The following MED16 variants were observed in gnomAD, a reference collection of about 807,000 sequenced individuals.
The protein encoded by MED16 is mediator of RNA polymerase II transcription subunit 16.
In MED16, 81 loss-of-function variants were observed where a neutral mutation model predicts 84.4. The ratio of observed to expected loss-of-function variants is 0.96; its 90% CI spans 0.80 to 1.15. MED16 has a LOEUF of 1.15. MED16 is among the 50% of genes most tolerant of loss of function. The probability of loss-of-function intolerance (pLI) is 0.00; values close to 1 mark genes in which losing one functional copy is unlikely to be tolerated. For synonymous variants in MED16, 897 were observed against 552.2 expected, an observed-to-expected ratio of 1.62 and a Z score of -8.76; for missense variants, 1,585 against 1,245.9, an observed-to-expected ratio of 1.27 and a Z score of -4.10.
chr19:889,911 C>T (rs1039473353), intron 3 of MED16, 104 bp from the exon 4 acceptor site: 85 of 1,383,108 alleles, frequency 6.1e-5, no homozygotes, highest in African/African-American at 1.7e-4. Context: ...GGAGAGGTCT[C>T]GGCCCAGGTA....
At position 886,105 on chromosome 19, in the gene MED16, C is replaced by G; in HGVS notation, c.544G>C (p.Val182Leu). ...ACGGTGACCAGGCCGCTGACCGTCA[C>G]CGCGATCCAGCCCTCCATGGGCTTG... ...GGKPMEGWIA[V>L]TVSGLVTVSL... Residue 182 changes from valine to leucine, a missense_variant, in exon 5 of 16, where the codon GTG becomes CTG. Val to Leu is a conservative substitution (Grantham distance 32). Coordinates refer to ENST00000325464, the MANE Select transcript of MED16 (RefSeq NM_005481.3). The G allele has an allele frequency of 6.3e-7, 1 of 1,588,698 alleles. No homozygotes were observed. The highest frequency in any genetic ancestry group is 2.3e-5 in the East Asian group (1 of 44,390).
Position 868,103 on chromosome 19 carries a change from A to G in MED16, c.2632T>C (p.Ter878ArgextTer?), listed in dbSNP as rs2035956397. 1 of 1,606,534 alleles carries G rather than the reference A, an allele frequency of 6.2e-7. No homozygotes were observed. Reference protein sequence around the residue: ...LDHLHPEDRP* With the variant: ...LDHLHPEDRPR ...AGGTCCGCCTGGACCCCCGGCCGTC[A>G]CGGACGGTCCTCTGGATGCAGATGG... The change falls in exon 16 of 16, where the codon TGA becomes CGA. Residue 878 changes from the stop codon to arginine, a stop_lost. Coordinates refer to ENST00000325464, the MANE Select transcript of MED16 (RefSeq NM_005481.3).
At chr19:888,311 G>A (rs1437853989) in intron 4 of MED16, among the ~76,000 whole-genome samples, 1 of 151,748 alleles carries the variant, frequency 6.6e-6, no homozygotes, top group African/African-American at 2.4e-5. Context: ...CACCTGAGGT[G>A]AGAAGTTCGA....
At chr19:885,459 G>GC (rs1360245412) in intron 5 of MED16, among the ~76,000 whole-genome samples, 2 of 152,118 alleles carry the variant, frequency 1.3e-5, no homozygotes, top group African/African-American at 4.8e-5. Flanking sequence ...ACGTTGGGGG[G>GC]GGTCCGGGGG....
intron 7 of MED16, 44 bp downstream of exon 7, chr19:881,515 G>C (rs1448291373): frequency 6.3e-7 from 1 of 1,582,256 alleles, no homozygotes; most frequent in Non-Finnish European, 8.6e-7. Context: ...AACTCCCCTG[G>C]TGTGAACTGA....
In MED16 at chr19:880,094, A is replaced by C. The variant is rs1332155731; in HGVS notation, c.1196T>G (p.Leu399Arg). The C allele has an allele frequency of 6.2e-7, 1 of 1,610,818 alleles. No individual in the cohort carries two copies. Among genetic ancestry groups the C allele is most frequent in the East Asian group, 2.2e-5 (1 of 44,866 alleles). The change falls in exon 8 of 16, where the codon CTG becomes CGG. Residue 399 changes from leucine (L) to arginine (R), a missense_variant. Coordinates refer to ENST00000325464, the MANE Select transcript of MED16 (RefSeq NM_005481.3). ...GCTGTAGAAGACGGCCATGGTCTGC[A>C]GTGAGAGCCGGTGCACGATGTGGAC... ...GSVHIVHRLSLQTMAVFYSSA... is the reference protein window; with the variant it reads ...GSVHIVHRLSRQTMAVFYSSA...
intron 1 of MED16, 129 bp from the exon 2 acceptor site, chr19:891,278 G>A (rs1020127919): frequency 9.1e-6 from 8 of 875,114 alleles, no homozygotes; most frequent in Middle Eastern, 3.3e-4. Flanking sequence ...AGGCCCGGAG[G>A]CCAGACAGAG....
chr19:886,767 C>T (rs575334601), intron 4 of MED16, among the ~76,000 whole-genome samples: 26 of 152,342 alleles, frequency 1.7e-4, no homozygotes, highest in Admixed American at 7.8e-4. Context: ...CTTCTTTCAA[C>T]GTGAGTCTTT....
rs772006974 is a variant in MED16, at chr19:871,942, G to A, written c.2082C>T (p.Thr694=). ...DSMSLLFRLL[T]KLWICCRDEG... ...GTGCCTCACAGCAGATCCAGAGCTT[G>A]GTGAGCAGGCGGAAGAGCAGGGACA... Residue 694 remains threonine, a synonymous_variant, in exon 12 of 16, where the codon ACC becomes ACT. Coordinates refer to ENST00000325464, the MANE Select transcript of MED16 (RefSeq NM_005481.3). 6.2e-7 allele frequency: 1 copy of A among 1,600,074 alleles called. No homozygotes were observed. Among genetic ancestry groups the A allele is most frequent in the Admixed American group, 1.7e-5 (1 of 58,732 alleles).
chr19:875,037 G>A (rs1159942752), intron 10 of MED16, among the ~76,000 whole-genome samples: 2 of 152,138 alleles, frequency 1.3e-5, no homozygotes, highest in Non-Finnish European at 2.9e-5. Flanking sequence ...GGTGGCACGT[G>A]CCTGTAATCC....
intron 5 of MED16, 37 bp from the exon 6 acceptor site, chr19:885,045 T>A (rs1274183727): frequency 4.6e-6 from 7 of 1,509,154 alleles, no homozygotes; most frequent in Non-Finnish European, 5.4e-6. Context: ...GACCCGGCAC[T>A]GCTGTGGTGG....
At chr19:877,381 G>A (rs901140960) in intron 8 of MED16, among the ~76,000 whole-genome samples, 4 of 152,156 alleles carry the variant, frequency 2.6e-5, no homozygotes, top group African/African-American at 4.8e-5. Flanking sequence ...GAACAGGGAA[G>A]GAAACCTCCC....
chr19:886,259 G>A (rs2036525325), intron 4 of MED16, 58 bp from the exon 5 acceptor site: 5 of 1,404,192 alleles, frequency 3.6e-6, no homozygotes, highest in Non-Finnish European at 3.8e-6. Context: ...GCTGCCCCAT[G>A]ACCCCCAGAA....
rs763063011 is a variant in MED16 at position 875,219 on chromosome 19, G to A, written c.1771+25C>T. On this transcript the variant is annotated intron_variant, in intron 10 of 15. Coordinates refer to ENST00000325464, the MANE Select transcript of MED16 (RefSeq NM_005481.3). The stretch of plus-strand genomic sequence containing the variant: ...ATAAATAGATGAAAGAAACCTCGAG[G>A]CCCCGGGCGTGGAAAAGGACCCACC... The A allele has an allele frequency of 5.4e-6, 8 of 1,495,256 alleles. 1 individual carries two copies. In the Admixed American group the frequency reaches 1.2e-4, roughly 23 times the overall value. 92.6% of individuals were successfully genotyped at this position (1,495,256 alleles called of 1,614,324 possible).
rs1183156199 is a variant in MED16, at chr19:872,860, G to C, written c.1905+589C>G. 1.4e-5 allele frequency: 10 copies of C among 716,022 alleles called. No individual in the cohort carries two copies. The African/African-American group carries it at 2.0e-4, about 14-fold the overall frequency. The allele number at this position is 716,022 out of a possible 1,614,324, so 44.4% of individuals were successfully genotyped here. On this transcript the variant is annotated intron_variant, in intron 11 of 15. Coordinates refer to ENST00000325464, the MANE Select transcript of MED16 (RefSeq NM_005481.3). The stretch of plus-strand genomic sequence containing the variant: ...GGCTGAGAAGGAGCAGGGCCTGGGA[G>C]GCGGGGCTTTGAGAATGGGCAGGAA...
chr19:876,447 TGA>T (rs935963681), intron 9 of MED16, among the ~76,000 whole-genome samples: 10 of 152,186 alleles, frequency 6.6e-5, no homozygotes, highest in Non-Finnish European at 2.9e-5. Context: ...CATCACATTC[TGA>T]GAGGATGGCT....
chr19:889,403 C>T (rs915753951), intron 4 of MED16, among the ~76,000 whole-genome samples: 8 of 152,168 alleles, frequency 5.3e-5, no homozygotes, highest in African/African-American at 1.7e-4. Context: ...CCACTGAACA[C>T]GCAGGTGCCA....
intron 6 of MED16, among the ~76,000 whole-genome samples, chr19:882,229 C>G (rs1051572847): frequency 2.0e-5 from 3 of 152,232 alleles, no homozygotes; most frequent in African/African-American, 7.2e-5. Flanking sequence ...GTGACATGGC[C>G]GGGCACAGCA....
chr19:873,585 A>C lies in MED16; in HGVS notation c.1772-3T>G, dbSNP rs1470740295. The C allele has an allele frequency of 1.9e-6, 3 of 1,612,080 alleles. No homozygotes were observed. The highest frequency in any genetic ancestry group is 2.5e-6 in the Non-Finnish European group (3 of 1,179,640). On this transcript the variant is annotated splice_polypyrimidine_tract_variant and splice_region_variant and intron_variant, in intron 10 of 15. Coordinates refer to ENST00000325464, the MANE Select transcript of MED16 (RefSeq NM_005481.3). ...GTTGATCATGACCTTGTCAATGTCTACAAGGAGACGTGGGTCGGGTCAGCT... is the reference window on the plus strand; with the variant it reads ...GTTGATCATGACCTTGTCAATGTCTCCAAGGAGACGTGGGTCGGGTCAGCT...
Sources: allele counts gnomAD v4.1 joint callset (sites outside exome capture counted in the v4.1 genomes callset), GRCh38; gene constraint gnomAD v4.1.1; transcripts MANE v1.5; gene names NCBI Gene and HGNC (gene_info 2026-07-23, HGNC 2026-07-21).